The following ADGRG5 variants were observed in gnomAD, a reference collection of about 807,000 sequenced individuals.
ADGRG5 encodes G protein-coupled receptor 114.
In ADGRG5, 37 loss-of-function variants were observed where a neutral mutation model predicts 53.2. That is an observed-to-expected ratio of 0.70 (90% CI 0.53 to 0.91). The LOEUF (loss-of-function observed/expected upper bound fraction) is 0.91, where lower values mean the gene tolerates loss of function less well. Among genes scored for constraint, ADGRG5 ranks in the 40% least tolerant of loss-of-function variants. The pLI, the probability that ADGRG5 is intolerant of heterozygous loss-of-function variation, is 0.00. For synonymous variants in ADGRG5, 277 were observed against 290.4 expected, an observed-to-expected ratio of 0.95 and a Z score of 0.47; for missense variants, 614 against 675.8, an observed-to-expected ratio of 0.91 and a Z score of 1.01.
At chr16:57,561,338 G>C (rs1178260327) in intron 1 of ADGRG5, among the ~76,000 whole-genome samples, 1 of 152,152 alleles carries the variant, frequency 6.6e-6, no homozygotes, top group Non-Finnish European at 1.5e-5. Flanking sequence ...CTGTCTTTGT[G>C]CCTGTTTTCT....
At chr16:57,534,516 C>T in the ADGRG5 span, among the ~76,000 whole-genome samples, 2 of 152,288 alleles carry the variant, frequency 1.3e-5, no homozygotes, top group South Asian at 2.1e-4. Flanking sequence ...TGTCCCCTCC[C>T]CTAGGAAGCC....
upstream of ADGRG5, among the ~76,000 whole-genome samples, chr16:57,540,745 C>T (rs1372692309): frequency 1.3e-5 from 2 of 152,062 alleles, no homozygotes; most frequent in Non-Finnish European, 2.9e-5. Context: ...GGAAGTTGGA[C>T]GGGGTTAGAC....
rs143632938 is a variant in ADGRG5, at chr16:57,566,692, C to G, written c.640C>G (p.Pro214Ala). ...CCCTGAGGGCTGTCGTACAGAGCAG[C>G]CCTCCCACTCTCAGGTGCTCTGCCG... is the stretch of plus-strand genomic sequence containing the variant. ...WSPEGCRTEQPSHSQVLCRCN... is the reference protein window; with the variant it reads ...WSPEGCRTEQASHSQVLCRCN... Residue 214 changes from proline (P) to alanine (A), a missense_variant, in exon 7 of 12, where the codon CCC (proline) becomes GCC (alanine). Pro to Ala is a conservative substitution (Grantham distance 27, BLOSUM62 -1). Transcript: ENST00000349457. 1,185 of 1,591,260 alleles carry G rather than the reference C, an allele frequency of 7.4e-4. 1 individual carries two copies. The highest frequency in any genetic ancestry group is 9.3e-4 in the Non-Finnish European group (1,085 of 1,169,886).
chr16:57,561,012 C>T (rs2032988176), intron 1 of ADGRG5, among the ~76,000 whole-genome samples: 1 of 152,192 alleles, frequency 6.6e-6, no homozygotes, highest in Admixed American at 6.5e-5. Context: ...CTCCTGGTCT[C>T]AAGCGATCCT....
rs1332019975 is a variant in ADGRG5 at position 57,564,104 on chromosome 16, C to T, written c.429+125C>T. 14 of 1,033,058 alleles carry T rather than the reference C, an allele frequency of 1.4e-5. No homozygotes were observed. The African/African-American group carries it at 2.2e-4, about 17-fold the overall frequency. 64.0% of individuals were successfully genotyped at this position (1,033,058 alleles called of 1,614,324 possible). A position where few individuals can be genotyped will look rare whatever the true frequency, so the allele number is the denominator to read the frequency against. On this transcript the variant is annotated intron_variant, in intron 5 of 11. Coordinates refer to ENST00000349457, the MANE Select transcript of ADGRG5 (RefSeq NM_001304376.3). ...GAGTGAGACCAACCAGCCATCTGTG[C>T]AATCCAAGCCAGCAATTGTCCCTCT...
chr16:57,574,965 C>G lies in ADGRG5; in HGVS notation c.1359C>G (p.Cys453Trp). 6.2e-7 allele frequency: 1 copy of G among 1,613,788 alleles called. No homozygotes were observed. Among genetic ancestry groups the G allele is most frequent in the South Asian group, 1.1e-5 (1 of 91,076 alleles). The stretch of plus-strand genomic sequence containing the variant: ...CGGATGCACCAAGTGTCAGGGCCTG[C>G]CATGACACTGTCACTGTGCTGGGCC... ...ERADAPSVRACHDTVTVLGLT... is the reference protein window; with the variant it reads ...ERADAPSVRAWHDTVTVLGLT... The change falls in exon 11 of 12, where the codon TGC becomes TGG. Residue 453 changes from cysteine to tryptophan, a missense_variant. By Grantham distance (215) the Cys-to-Trp change is radical (BLOSUM62 -2). Coordinates refer to ENST00000349457, the MANE Select transcript of ADGRG5 (RefSeq NM_001304376.3). The surrounding 1 kb of genome is among the most constrained non-coding windows in gnomAD (Gnocchi z 4.4).
Position 57,567,973 on chromosome 16 carries a change from A to G in ADGRG5, c.939A>G (p.Ala313=), listed in dbSNP as rs770974294. 1.1e-5 allele frequency: 17 copies of G among 1,613,852 alleles called. No homozygotes were observed. The highest frequency in any genetic ancestry group is 1.7e-5 in the Admixed American group (1 of 59,990). The change falls in exon 9 of 12, where the codon GCA becomes GCG. Residue 313 remains alanine (A), a synonymous_variant. Coordinates refer to ENST00000349457, the MANE Select transcript of ADGRG5 (RefSeq NM_001304376.3). ...AFAMSPVPGS[A]CTALAAALHY... ...CAATGTCTCCTGTGCCCGGGTCAGC[A>G]TGCACGGCTCTGGCCGCTGCCCTGC...
chr16:57,547,904 C>T (rs577608358), intron 1 of ADGRG5, among the ~76,000 whole-genome samples: 16 of 152,276 alleles, frequency 1.1e-4, no homozygotes, highest in Non-Finnish European at 1.8e-4. Flanking sequence ...TGTGCCAACA[C>T]GCCTGGCTAA....
Position 57,575,506 on chromosome 16 carries a change from G to T in ADGRG5, c.1555G>T (p.Glu519Ter). The T allele has an allele frequency of 6.2e-7, 1 of 1,614,194 alleles. No homozygotes were observed. The highest frequency in any genetic ancestry group is 8.5e-7 in the Non-Finnish European group (1 of 1,179,982). Reference sequence around the variant, plus strand: ...AGAAGCAGAGGCCAAGGCACAGATAGAGGCCTTCAGCTCCTCCCAAACAAC... The same window carrying T: ...AGAAGCAGAGGCCAAGGCACAGATATAGGCCTTCAGCTCCTCCCAAACAAC... ...RSEAEAKAQI[E>*]AFSSSQTTQ Residue 519 changes from glutamate (E) to a stop codon, truncating the protein, a stop_gained, in exon 12 of 12, where the codon GAG becomes TAG. Coordinates refer to ENST00000349457, the MANE Select transcript of ADGRG5 (RefSeq NM_001304376.3). LOFTEE classifies it high-confidence loss of function.
intron 11 of ADGRG5, 96 bp from the exon 12 acceptor site, chr16:57,575,342 A>G (rs2033486180): frequency 1.2e-5 from 14 of 1,196,840 alleles, no homozygotes; most frequent in Admixed American, 6.2e-5. Context: ...GGAGTTGCCC[A>G]TGGGCCCCAG....
intron 1 of ADGRG5, among the ~76,000 whole-genome samples, chr16:57,552,571 C>G (rs2032780134): frequency 6.6e-6 from 1 of 152,176 alleles, no homozygotes; most frequent in African/African-American, 2.4e-5. Context: ...GAGTTAGGGC[C>G]TTGCTCTGAA....
chr16:57,566,804 G>A (rs1234173291), intron 7 of ADGRG5, 53 bp downstream of exon 7: 4 of 1,363,712 alleles, frequency 2.9e-6, no homozygotes, highest in Admixed American at 5.8e-5. Flanking sequence ...CTGTGTCTGT[G>A]GCAGAGGAGC....
intron 1 of ADGRG5, among the ~76,000 whole-genome samples, chr16:57,551,883 G>A (rs558703005): frequency 6.6e-6 from 1 of 152,194 alleles, no homozygotes; most frequent in Non-Finnish European, 1.5e-5. Context: ...AGACTTGAAG[G>A]TCGAAATGAC....
the ADGRG5 span, among the ~76,000 whole-genome samples, chr16:57,531,871 T>A: frequency 6.6e-6 from 1 of 151,846 alleles, no homozygotes; most frequent in African/African-American, 2.4e-5. Flanking sequence ...CCTTCAACTA[T>A]GGAGCCAGGC....
rs2033500455 is a variant in ADGRG5, at chr16:57,575,749, A to G, written c.*211A>G. ...GACATTTTGCTCCGGGGCAGATCCA[A>G]CCTTACCTGGGGCAGCAAACTTTGT... On this transcript the variant is annotated 3_prime_UTR_variant, in exon 12 of 12. Transcript: ENST00000349457. 3 of 543,978 alleles carry G rather than the reference A, an allele frequency of 5.5e-6. No individual in the cohort carries two copies. The highest frequency in any genetic ancestry group is 9.9e-6 in the Non-Finnish European group (3 of 301,812). 33.7% of individuals were successfully genotyped at this position (543,978 alleles called of 1,614,324 possible).
At chr16:57,552,101 G>C (rs1267656580) in intron 1 of ADGRG5, among the ~76,000 whole-genome samples, 1 of 151,568 alleles carries the variant, frequency 6.6e-6, no homozygotes, top group Non-Finnish European at 1.5e-5. Context: ...TAAATAGATT[G>C]CTATCATCCA....
chr16:57,534,796 C>G, the ADGRG5 span, among the ~76,000 whole-genome samples: 1 of 152,190 alleles, frequency 6.6e-6, no homozygotes, highest in African/African-American at 2.4e-5. Context: ...GTATCTGAGC[C>G]TGTCTGGCCA....
At chr16:57,538,757 G>A (rs1342826843), upstream of ADGRG5, among the ~76,000 whole-genome samples, 2 of 152,154 alleles carry the variant, frequency 1.3e-5, no homozygotes, top group Admixed American at 6.5e-5. Flanking sequence ...CCACACTTCA[G>A]CAGTTCTGTT....
upstream of ADGRG5, among the ~76,000 whole-genome samples, chr16:57,537,923 G>A (rs1353690543): frequency 6.6e-5 from 10 of 152,176 alleles, no homozygotes; most frequent in African/African-American, 2.4e-4. Context: ...TTTTACAGCT[G>A]AGGAAATGAA....
Sources: allele counts gnomAD v4.1 joint callset (sites outside exome capture counted in the v4.1 genomes callset), GRCh38; gene constraint gnomAD v4.1.1; non-coding constraint Gnocchi (gnomAD v3.1); transcripts MANE v1.5; gene names NCBI Gene and HGNC (gene_info 2026-07-23, HGNC 2026-07-21).